SPAG16: variants seen among roughly 807,000 people sequenced by gnomAD.
SPAG16 encodes the protein sperm associated antigen 16.
A neutral mutation model predicts 80.4 loss-of-function variants in SPAG16; 86 were observed. The ratio of observed to expected loss-of-function variants is 1.07; its 90% CI spans 0.90 to 1.28. The LOEUF (loss-of-function observed/expected upper bound fraction) is 1.28, where lower values mean the gene tolerates loss of function less well. SPAG16 is among the 50% of genes most tolerant of loss of function. The pLI, the probability that SPAG16 is intolerant of heterozygous loss-of-function variation, is 0.00. For synonymous variants in SPAG16, 294 were observed against 265.9 expected, an observed-to-expected ratio of 1.11 and a Z score of -1.03; for missense variants, 870 against 765.3, an observed-to-expected ratio of 1.14 and a Z score of -1.61.
intron 15 of SPAG16, among the ~76,000 whole-genome samples, chr2:214,387,824 C>A (rs1353586466): frequency 1.3e-5 from 2 of 152,146 alleles, no homozygotes; most frequent in African/African-American, 4.8e-5. Context: ...GTCAGGAGAA[C>A]AGGATGGGGG....
At chr2:213,873,168 TCAG>T (rs1473670071) in intron 11 of SPAG16, among the ~76,000 whole-genome samples, 1 of 90,984 alleles carries the variant, frequency 1.1e-5, no homozygotes, top group Admixed American at 1.2e-4. Flanking sequence ...GGAAAATTCA[TCAG>T]TGAAGCCATC....
At chr2:213,407,259 GA>G (rs2068661466) in intron 9 of SPAG16, among the ~76,000 whole-genome samples, 1 of 152,182 alleles carries the variant, frequency 6.6e-6, no homozygotes, top group African/African-American at 2.4e-5. Flanking sequence ...AGGACCTTCA[GA>G]GGGGGAAAGG....
At chr2:214,081,877 G>A (rs758363706) in intron 13 of SPAG16, among the ~76,000 whole-genome samples, 3 of 151,842 alleles carry the variant, frequency 2.0e-5, no homozygotes, top group Non-Finnish European at 4.4e-5. Context: ...TTTAAAGAAG[G>A]AGAGGATTCA....
intron 15 of SPAG16, among the ~76,000 whole-genome samples, chr2:214,343,997 C>G (rs1007445273): frequency 6.6e-6 from 1 of 152,124 alleles, no homozygotes; most frequent in Non-Finnish European, 1.5e-5. Context: ...GTTTTTTGTT[C>G]TCTTACCTTA....
intron 11 of SPAG16, among the ~76,000 whole-genome samples, chr2:213,872,098 C>G (rs2105990246): frequency 6.6e-6 from 1 of 152,170 alleles, no homozygotes; most frequent in South Asian, 2.1e-4. Flanking sequence ...CTGTAATCAG[C>G]TGACTTTAAG....
chr2:213,423,493 T>C (rs2069724674), intron 9 of SPAG16, among the ~76,000 whole-genome samples: 1 of 152,202 alleles, frequency 6.6e-6, no homozygotes. Flanking sequence ...CTGTGTGGCC[T>C]TATTCAGTTA....
At chr2:214,154,100 C>G (rs996522515) in intron 15 of SPAG16, among the ~76,000 whole-genome samples, 1 of 152,144 alleles carries the variant, frequency 6.6e-6, no homozygotes, top group African/African-American at 2.4e-5. Flanking sequence ...CTGGCCTACT[C>G]AAAATGCCAT....
At chr2:214,121,759 T>G (rs2054231702) in intron 14 of SPAG16, among the ~76,000 whole-genome samples, 1 of 151,878 alleles carries the variant, frequency 6.6e-6, no homozygotes, top group African/African-American at 2.4e-5. Flanking sequence ...TTTTGCTAAT[T>G]TAGTGTACAC....
intron 5 of SPAG16, chr2:213,317,631 C>A: frequency 9.5e-7 from 1 of 1,056,970 alleles, no homozygotes; most frequent in Non-Finnish European, 1.1e-6. Flanking sequence ...ATTTGATAGT[C>A]TTTTCATGGT....
intron 15 of SPAG16, among the ~76,000 whole-genome samples, chr2:214,170,296 A>G (rs1048141976): frequency 7.0e-6 from 1 of 142,036 alleles, no homozygotes; most frequent in Non-Finnish European, 1.5e-5. Flanking sequence ...ACATACACAT[A>G]TAAGATATAA....
intron 15 of SPAG16, among the ~76,000 whole-genome samples, chr2:214,170,378 C>T (rs2056832810): frequency 6.6e-6 from 1 of 151,902 alleles, no homozygotes; most frequent in Non-Finnish European, 1.5e-5. Context: ...CACATAAATA[C>T]AAGATCATCA....
At chr2:213,676,524 A>G (rs1244086748) in intron 10 of SPAG16, among the ~76,000 whole-genome samples, 1 of 151,974 alleles carries the variant, frequency 6.6e-6, no homozygotes, top group Non-Finnish European at 1.5e-5. Context: ...TGGGTTTGTC[A>G]TAGATAGCTC....
At chr2:213,319,933 A>G (rs1412635484) in intron 5 of SPAG16, among the ~76,000 whole-genome samples, 2 of 152,120 alleles carry the variant, frequency 1.3e-5, no homozygotes, top group African/African-American at 2.4e-5. Context: ...TTAACAGTTT[A>G]TGGCTATTTC....
chr2:214,323,223 C>T (rs1393810475), intron 15 of SPAG16, among the ~76,000 whole-genome samples: 9 of 152,086 alleles, frequency 5.9e-5, no homozygotes, highest in South Asian at 2.1e-4. Flanking sequence ...TCTCTACCTC[C>T]GCTGAGCTTC....
chr2:213,807,022 T>C (rs544558699), intron 10 of SPAG16, among the ~76,000 whole-genome samples: 2 of 152,326 alleles, frequency 1.3e-5, no homozygotes, highest in East Asian at 1.9e-4. Flanking sequence ...TTTAAAAAAA[T>C]CTACTTCCTT....
chr2:213,925,765 G>A (rs918305325), intron 11 of SPAG16, among the ~76,000 whole-genome samples: 2 of 152,126 alleles, frequency 1.3e-5, no homozygotes, highest in Admixed American at 1.3e-4. Context: ...TTGTTTAAGT[G>A]TTTTAGAGAT....
chr2:213,456,882 GT>G (rs2072049967), intron 9 of SPAG16, among the ~76,000 whole-genome samples: 1 of 151,936 alleles, frequency 6.6e-6, no homozygotes, highest in Non-Finnish European at 1.5e-5. Context: ...GCTTATTTTG[GT>G]TGATTTGGTA....
chr2:214,105,617 C>T (rs1297879310), intron 13 of SPAG16, among the ~76,000 whole-genome samples: 1 of 152,158 alleles, frequency 6.6e-6, no homozygotes, highest in East Asian at 1.9e-4. Context: ...AATGCTGGAG[C>T]AATGCATATT....
intron 11 of SPAG16, among the ~76,000 whole-genome samples, chr2:213,885,127 A>C (rs1004891103): frequency 1.7e-4 from 26 of 152,146 alleles, no homozygotes; most frequent in African/African-American, 6.3e-4. Context: ...AAATATAGTC[A>C]GTTGGTTTCA....
Sources: gnomAD v4.1 joint callset for allele counts (sites outside exome capture counted in the v4.1 genomes callset) on GRCh38, gnomAD v4.1.1 for gene constraint, MANE v1.5 for transcripts, NCBI Gene and HGNC (gene_info 2026-07-23, HGNC 2026-07-21) for gene names.